FAM120B: variants seen among roughly 807,000 people sequenced by gnomAD.
FAM120B encodes the protein constitutive coactivator of peroxisome proliferator-activated receptor gamma.
Under a neutral mutation model 96.3 loss-of-function variants are expected in FAM120B, and 83 were observed. The ratio of observed to expected loss-of-function variants is 0.86; its 90% CI spans 0.72 to 1.03. FAM120B has a LOEUF of 1.03. FAM120B is among the 50% of genes least tolerant of loss of function. The probability of loss-of-function intolerance (pLI) is 0.00; values close to 1 mark genes in which losing one functional copy is unlikely to be tolerated. For missense variants in FAM120B, 1,027 were observed against 1,121.2 expected, an observed-to-expected ratio of 0.92 and a Z score of 1.20; for synonymous variants, 407 against 402.7, an observed-to-expected ratio of 1.01 and a Z score of -0.13.
intron 4 of FAM120B, among the ~76,000 whole-genome samples, chr6:170,339,949 A>G (rs1424388586): frequency 6.6e-6 from 1 of 152,122 alleles, no homozygotes; most frequent in Non-Finnish European, 1.5e-5. Flanking sequence ...ACCTTGGAGA[A>G]TCTGACAATT....
chr6:170,381,484 C>A (rs949258641), intron 6 of FAM120B, among the ~76,000 whole-genome samples: 2 of 152,108 alleles, frequency 1.3e-5, no homozygotes. Flanking sequence ...GTTCTACATT[C>A]TCTTCCAGAA....
chr6:170,295,173 G>A (rs552693977), upstream of FAM120B: 856 of 493,992 alleles, frequency 1.7e-3, 4 homozygotes, highest in Non-Finnish European at 1.5e-3. The surrounding 1 kb of genome is among the most constrained non-coding windows in gnomAD (Gnocchi z 7.8). Flanking sequence ...CTGTGTCCTG[G>A]AGCTATCATG....
intron 9 of FAM120B, chr6:170,404,290 G>A: frequency 2.3e-6 from 1 of 427,070 alleles, no homozygotes; most frequent in South Asian, 4.8e-5. Context: ...AAATCACGCA[G>A]ATGGATGGAG....
chr6:170,343,691 A>G (rs1786987353), intron 4 of FAM120B, among the ~76,000 whole-genome samples: 1 of 152,238 alleles, frequency 6.6e-6, no homozygotes, highest in African/African-American at 2.4e-5. Context: ...TAAAACACAA[A>G]TTGCTGGGCC....
intron 1 of FAM120B, among the ~76,000 whole-genome samples, chr6:170,315,090 C>T (rs1415064482): frequency 6.6e-6 from 1 of 152,178 alleles, no homozygotes; most frequent in African/African-American, 2.4e-5. Context: ...AATGCTGTTC[C>T]TTGTTTTTTC....
chr6:170,332,932 C>T (rs1786158028), intron 4 of FAM120B, among the ~76,000 whole-genome samples: 1 of 151,416 alleles, frequency 6.6e-6, no homozygotes, highest in Non-Finnish European at 1.5e-5. Flanking sequence ...AGTCTTTTTC[C>T]TCTGGTAGCA....
At chr6:170,353,654 A>G (rs1300225637) in intron 5 of FAM120B, among the ~76,000 whole-genome samples, 1 of 152,146 alleles carries the variant, frequency 6.6e-6, no homozygotes, top group Non-Finnish European at 1.5e-5. Flanking sequence ...CAAATCACAA[A>G]TAAACTCCCA....
intron 2 of FAM120B, among the ~76,000 whole-genome samples, chr6:170,319,960 A>G (rs1482936103): frequency 6.6e-6 from 1 of 152,192 alleles, no homozygotes; most frequent in Non-Finnish European, 1.5e-5. Context: ...GCCTTTGAAG[A>G]TTTTTGATGG....
At chr6:170,329,389 G>A (rs1331345833) in intron 3 of FAM120B, among the ~76,000 whole-genome samples, 1 of 152,178 alleles carries the variant, frequency 6.6e-6, no homozygotes, top group Non-Finnish European at 1.5e-5. Flanking sequence ...GAATGCAGTT[G>A]CTAGAACCAT....
intron 3 of FAM120B, among the ~76,000 whole-genome samples, chr6:170,324,691 A>G (rs2115044484): frequency 6.6e-6 from 1 of 152,362 alleles, no homozygotes; most frequent in East Asian, 1.9e-4. Flanking sequence ...ACCACATAAA[A>G]AAACCATTCA....
At chr6:170,327,535 G>T (rs543230149) in intron 3 of FAM120B, among the ~76,000 whole-genome samples, 1 of 152,180 alleles carries the variant, frequency 6.6e-6, no homozygotes, top group Non-Finnish European at 1.5e-5. Context: ...CACTGCACAC[G>T]GAGGCTGCTC....
At chr6:170,290,833 G>C, upstream of FAM120B, 1 of 626,820 alleles carries the variant, frequency 1.6e-6, no homozygotes, top group Non-Finnish European at 2.9e-6. The surrounding 1 kb of genome is among the most constrained non-coding windows in gnomAD (Gnocchi z 4.7). Context: ...CGGAGGGGCC[G>C]GGCCGTGGGA....
intron 3 of FAM120B, among the ~76,000 whole-genome samples, chr6:170,329,133 C>T (rs1562533082): frequency 1.3e-5 from 2 of 152,224 alleles, no homozygotes; most frequent in Admixed American, 1.3e-4. Flanking sequence ...ATCCTGATAG[C>T]TCTCTCTTCA....
upstream of FAM120B, among the ~76,000 whole-genome samples, chr6:170,304,194 G>A (rs1407018424): frequency 1.3e-5 from 2 of 152,232 alleles, no homozygotes; most frequent in African/African-American, 4.8e-5. Context: ...AGCTAATATA[G>A]TGAGAGTTGA....
intron 6 of FAM120B, among the ~76,000 whole-genome samples, chr6:170,365,942 A>G (rs1482246933): frequency 1.3e-5 from 2 of 152,186 alleles, no homozygotes; most frequent in Non-Finnish European, 2.9e-5. Context: ...TGTTGGTAAA[A>G]GGACCCTTGG....
chr6:170,337,434 A>G (rs976783938), intron 4 of FAM120B, among the ~76,000 whole-genome samples: 1 of 152,146 alleles, frequency 6.6e-6, no homozygotes, highest in Non-Finnish European at 1.5e-5. Context: ...TTGGTTTGCC[A>G]TTATTTTATT....
In FAM120B at chr6:170,330,461, C is replaced by T. The variant is rs1190111947; in HGVS notation, c.1928C>T (p.Thr643Ile). 6.2e-7 allele frequency: 1 copy of T among 1,614,066 alleles called. No individual in the cohort carries two copies. Residue 643 changes from threonine (T) to isoleucine (I), a missense_variant, in exon 4 of 11, where the codon ACC becomes ATC. Thr to Ile is a moderately conservative substitution (Grantham distance 89, BLOSUM62 -1). Coordinates refer to ENST00000476287, the MANE Select transcript of FAM120B (RefSeq NM_032448.3). ...LLEDCQDVTS[T>I]CLAVKEWFVY... ...TCTTTTTCTTCAGATGTCACCAGCA[C>T]CTGCCTAGCTGTCAAGGAGTGGTTT...
At position 170,318,992 on chromosome 6, in the gene FAM120B, A is replaced by G; in HGVS notation, c.1602A>G (p.Val534=). 1.9e-6 allele frequency: 3 copies of G among 1,614,198 alleles called. No homozygotes were observed. The highest frequency in any genetic ancestry group is 2.5e-6 in the Non-Finnish European group (3 of 1,180,004). The part of the protein sequence containing the change: ...THAEINQKLP[V]ATDFEFKLEA... Reference sequence around the variant, plus strand: ...CTGAAATCAATCAAAAATTACCTGTAGCAACAGATTTTGAATTTAAGCTAG... The same window carrying G: ...CTGAAATCAATCAAAAATTACCTGTGGCAACAGATTTTGAATTTAAGCTAG... The change falls in exon 2 of 11, where the codon GTA becomes GTG. Residue 534 remains valine, a synonymous_variant. Coordinates refer to ENST00000476287, the MANE Select transcript of FAM120B (RefSeq NM_032448.3).
rs1456252049 is a variant in FAM120B at position 170,361,212 on chromosome 6, A to ACGTG, written c.2283+2894_2283+2895insCGTG. On this transcript the variant is annotated intron_variant, in intron 6 of 10. Transcript: ENST00000476287. Reference sequence around the variant, plus strand: ...TATATATACGTGTATATATATATATATATATATATATATATATATATATAC... The same window carrying ACGTG: ...TATATATACGTGTATATATATATATACGTGTATATATATATATATATATATATAC... 0.035 allele frequency among the ~76,000 whole-genome samples: 3,524 copies of ACGTG among 101,424 alleles called. 798 individuals carry two copies. The East Asian group carries it at 0.65, about 19-fold the overall frequency. 66.5% of individuals were successfully genotyped at this position (101,424 alleles called of 152,430 possible).
Sources: gnomAD v4.1 joint callset for allele counts (sites outside exome capture counted in the v4.1 genomes callset) on GRCh38, gnomAD v4.1.1 for gene constraint, Gnocchi (gnomAD v3.1) non-coding constraint, MANE v1.5 for transcripts, NCBI Gene and HGNC (gene_info 2026-07-23, HGNC 2026-07-21) for gene names.